The following CHEK1 variants were observed in gnomAD, a reference collection of about 807,000 sequenced individuals.
CHEK1 encodes the protein checkpoint kinase 1, also known as serine/threonine-protein kinase Chk1.
Under a neutral mutation model 60.2 loss-of-function variants are expected in CHEK1, and 32 were observed. The observed-to-expected ratio is 0.53, with a 90% CI of 0.40 to 0.71. The LOEUF (loss-of-function observed/expected upper bound fraction) is 0.71. Among genes scored for constraint, CHEK1 ranks in the 30% least tolerant of loss-of-function variants. The pLI, the probability that CHEK1 is intolerant of heterozygous loss-of-function variation, is 0.00. For synonymous variants in CHEK1, 179 were observed against 187.2 expected (o/e 0.96, Z 0.36); for missense variants, 399 against 564.6 (o/e 0.71, Z 2.97).
At chr11:125,629,155 A>G in intron 3 of CHEK1, 77 bp from the exon 4 acceptor site, 7 of 1,399,996 alleles carry the variant, frequency 5.0e-6, no homozygotes, top group South Asian at 1.2e-5. Context: ...GTAAATGTCT[A>G]AGCTTCAAAT....
chr11:125,655,300 A>G lies in CHEK1; in HGVS notation c.1411A>G (p.Ile471Val), dbSNP rs506504. 1,559,670 of 1,613,302 alleles carry G rather than the reference A, an allele frequency of 0.97. 754,123 individuals are homozygous for G. Among genetic ancestry groups the G allele is most frequent in the East Asian group, 1 (44,850 of 44,860 alleles). The stretch of plus-strand genomic sequence containing the variant: ...GATTGATATTGTGAGCAGCCAGAAG[A>G]TTTGGCTTCCTGCCACATGATCGGA... ...KLIDIVSSQKIWLPAT is the reference protein window; with the variant it reads ...KLIDIVSSQKVWLPAT The change falls in exon 13 of 13, where the codon ATT becomes GTT. Residue 471 changes from isoleucine to valine, a missense_variant. Physicochemically the swap from Ile to Val is conservative, Grantham distance 29. Around this residue, in one of 2 missense-constraint regions of CHEK1, gnomAD observed 29 missense variants for 69.8 expected, o/e 0.42. Transcript: ENST00000438015.
intron 8 of CHEK1, 93 bp downstream of exon 8, chr11:125,637,637 A>C (rs1385840364): frequency 5.3e-6 from 4 of 756,288 alleles, no homozygotes; most frequent in Non-Finnish European, 8.7e-6. Flanking sequence ...CATGATAGCT[A>C]TGATCTCTGT....
At chr11:125,660,860 C>T (rs183867079), downstream of CHEK1, among the ~76,000 whole-genome samples, 1 of 152,200 alleles carries the variant, frequency 6.6e-6, no homozygotes, top group African/African-American at 2.4e-5. Context: ...ACTGCAACCT[C>T]CGCCTCCTGG....
chr11:125,677,805 G>T, downstream of CHEK1: 1 of 1,614,114 alleles, frequency 6.2e-7, no homozygotes, highest in Non-Finnish European at 8.5e-7. Flanking sequence ...ACCTGTAGAT[G>T]TGCTTGAAAT....
chr11:125,633,316 C>T lies in CHEK1; in HGVS notation c.578C>T (p.Ser193Phe). The part of the protein sequence containing the change: ...EFHAEPVDVW[S>F]CGIVLTAMLA... ...CATGCAGAACCAGTTGATGTTTGGT[C>T]CTGTGGAATAGTACTTACTGCAATG... Residue 193 changes from serine (S) to phenylalanine (F), a missense_variant, in exon 6 of 13, where the codon TCC becomes TTC. Coordinates refer to ENST00000438015, the MANE Select transcript of CHEK1 (RefSeq NM_001114122.3). The T allele has an allele frequency of 1.3e-6, 2 of 1,598,084 alleles. No individual in the cohort carries two copies. The highest frequency in any genetic ancestry group is 2.3e-5 in the South Asian group (2 of 87,618).
At chr11:125,664,774 T>G (rs143276679) in intron 13 of CHEK1, among the ~76,000 whole-genome samples, 4 of 152,332 alleles carry the variant, frequency 2.6e-5, no homozygotes, top group African/African-American at 9.6e-5. Flanking sequence ...TGTTTTAACT[T>G]GATGTAATAC....
At chr11:125,641,914 A>G (rs919881922) in intron 8 of CHEK1, among the ~76,000 whole-genome samples, 12 of 152,124 alleles carry the variant, frequency 7.9e-5, no homozygotes, top group Non-Finnish European at 1.5e-5. Context: ...CCAATGCTTT[A>G]GTTCTCACGT....
intron 1 of CHEK1, 29 bp downstream of exon 1, chr11:125,626,041 A>C (rs1457735980): frequency 1.2e-5 from 8 of 690,912 alleles, no homozygotes; most frequent in Non-Finnish European, 1.9e-5. Flanking sequence ...TAGAGTAGGG[A>C]AGGTTTCTAA....
intron 12 of CHEK1, among the ~76,000 whole-genome samples, chr11:125,654,112 C>A (rs560087): frequency 5.3e-5 from 8 of 150,858 alleles, no homozygotes; most frequent in Non-Finnish European, 7.4e-5. Context: ...GGGTGGATCT[C>A]GAGGTCAGGA....
At chr11:125,665,771 G>A (rs974330576) in intron 13 of CHEK1, among the ~76,000 whole-genome samples, 1 of 149,928 alleles carries the variant, frequency 6.7e-6, no homozygotes, top group Non-Finnish European at 1.5e-5. Context: ...GGCATATAGT[G>A]TTCATGATAG....
At chr11:125,640,412 T>A (rs1023915786) in intron 8 of CHEK1, among the ~76,000 whole-genome samples, 1 of 151,728 alleles carries the variant, frequency 6.6e-6, no homozygotes, top group East Asian at 2.0e-4. Context: ...GAGGTGGCGG[T>A]CGCCTGTAGT....
chr11:125,634,307 G>A (rs1940980590), intron 6 of CHEK1, among the ~76,000 whole-genome samples: 1 of 151,708 alleles, frequency 6.6e-6, no homozygotes, highest in Non-Finnish European at 1.5e-5. Flanking sequence ...GTGAGATATT[G>A]TGTCTGTTTT....
chr11:125,674,102 C>T (rs1227732673), intron 13 of CHEK1, among the ~76,000 whole-genome samples: 1 of 152,044 alleles, frequency 6.6e-6, no homozygotes, highest in Non-Finnish European at 1.5e-5. Flanking sequence ...TGAGATCGCG[C>T]CACTGCACTC....
chr11:125,662,692 T>C (rs1366040932), intron 13 of CHEK1, among the ~76,000 whole-genome samples: 1 of 152,232 alleles, frequency 6.6e-6, no homozygotes, highest in African/African-American at 2.4e-5. Flanking sequence ...GCTATAAATA[T>C]CTACAGGCTT....
chr11:125,655,347 G>T lies in CHEK1; in HGVS notation c.*27G>T. On this transcript the variant is annotated 3_prime_UTR_variant, in exon 13 of 13. Coordinates refer to ENST00000438015, the MANE Select transcript of CHEK1 (RefSeq NM_001114122.3). ...CGGACCATCGGCTCTGGGGAATCCT[G>T]GTGAATATAGTGCTGCTATGTTGAC... The T allele has an allele frequency of 6.8e-7, 1 of 1,464,522 alleles. No individual in the cohort carries two copies. Among genetic ancestry groups the T allele is most frequent in the Non-Finnish European group, 9.6e-7 (1 of 1,045,922 alleles). 90.7% of individuals were successfully genotyped at this position (1,464,522 alleles called of 1,614,324 possible). A position where few individuals can be genotyped will look rare whatever the true frequency, so the allele number is the denominator to read the frequency against.
Position 125,625,544 on chromosome 11 carries a change from T to C in CHEK1, c.-489T>C. Reference sequence around the variant, plus strand: ...GCTTCACCGACTGTGATCCTCACAGTCCTGTCCGGTGGCCTCACGCAGGTG... The same window carrying C: ...GCTTCACCGACTGTGATCCTCACAGCCCTGTCCGGTGGCCTCACGCAGGTG... On this transcript the variant is annotated 5_prime_UTR_variant, in exon 1 of 13. Transcript: ENST00000438015. The C allele has an allele frequency of 1.7e-6, 1 of 584,252 alleles. No homozygotes were observed. Among genetic ancestry groups the C allele is most frequent in the Non-Finnish European group, 3.1e-6 (1 of 326,934 alleles). The allele number at this position is 584,252 out of a possible 1,614,324, so 36.2% of individuals were successfully genotyped here.
chr11:125,627,860 A>C (rs779529226), intron 3 of CHEK1, 30 bp downstream of exon 3: 2 of 1,476,742 alleles, frequency 1.4e-6, no homozygotes, highest in South Asian at 1.3e-5. Context: ...TAATTATTTT[A>C]AACAAGTTTT....
chr11:125,669,572 G>A (rs1305307212), intron 13 of CHEK1, among the ~76,000 whole-genome samples: 9 of 134,710 alleles, frequency 6.7e-5, no homozygotes, highest in African/African-American at 8.4e-5. Context: ...CGCCCAGGCT[G>A]GAGTACAGTG....
At chr11:125,652,558 A>G (rs1941776219) in intron 11 of CHEK1, among the ~76,000 whole-genome samples, 1 of 152,182 alleles carries the variant, frequency 6.6e-6, no homozygotes, top group South Asian at 2.1e-4. Context: ...TATACACTCA[A>G]TCCCTAGGAG....
Sources: gnomAD v4.1 joint callset for allele counts (sites outside exome capture counted in the v4.1 genomes callset) on GRCh38, gnomAD v4.1.1 for gene constraint, gnomAD v4.1.1 regional missense constraint, MANE v1.5 for transcripts, NCBI Gene and HGNC (gene_info 2026-07-23, HGNC 2026-07-21) for gene names.